TENM1: variants seen among roughly 807,000 people sequenced by gnomAD.
The protein encoded by TENM1 is teneurin-1.
A neutral mutation model predicts 174.8 loss-of-function variants in TENM1; 35 were observed. That is an observed-to-expected ratio of 0.20 (90% CI 0.15 to 0.27). The LOEUF is 0.27. TENM1 is among the 10% of genes least tolerant of loss of function. The pLI, the probability that TENM1 is intolerant of heterozygous loss-of-function variation, is 1.00. For missense variants in TENM1, 1,633 were observed against 2,130.1 expected (o/e 0.77, Z 4.59); for synonymous variants, 781 against 798.7 (o/e 0.98, Z 0.37).
At chrX:125,185,810 T>A in the TENM1 span, among the ~76,000 whole-genome samples, 16 of 111,964 alleles carry the variant, frequency 1.4e-4, 1 homozygote, top group Non-Finnish European at 2.3e-4. Context: ...TGGGGTAGGG[T>A]TGGAAGTGGA....
chrX:124,653,837 C>T, intron 6 of TENM1, 54 bp from the exon 10 acceptor site: 1 of 1,039,223 alleles, frequency 9.6e-7, no homozygotes, highest in Non-Finnish European at 1.3e-6. Flanking sequence ...ATTTATAAAG[C>T]AATGGTTTTT....
intron 22 of TENM1, among the ~76,000 whole-genome samples, chrX:124,454,585 A>G (rs2061083743): frequency 9.0e-6 from 1 of 111,015 alleles, no homozygotes; most frequent in Admixed American, 9.6e-5. Context: ...TTGTATTTTT[A>G]GTAGAGACAG....
the TENM1 span, among the ~76,000 whole-genome samples, chrX:125,076,424 A>C: frequency 8.9e-6 from 1 of 111,923 alleles, no homozygotes; most frequent in Non-Finnish European, 1.9e-5. Flanking sequence ...ACAGTGATGA[A>C]TAAACAGCAT....
intron 4 of TENM1, among the ~76,000 whole-genome samples, chrX:124,713,275 T>C (rs1350531168): frequency 3.6e-5 from 4 of 111,219 alleles, no homozygotes; most frequent in African/African-American, 1.3e-4. Context: ...AAAAAAATTT[T>C]TTTTTTTTTT....
chrX:124,625,875 G>A (rs2050624552), intron 11 of TENM1, among the ~76,000 whole-genome samples: 1 of 110,763 alleles, frequency 9.0e-6, no homozygotes, highest in African/African-American at 3.3e-5. Context: ...TCAAACACTG[G>A]GGACTGCAAT....
At chrX:124,454,019 T>G (rs967295413) in intron 22 of TENM1, among the ~76,000 whole-genome samples, 17 of 110,580 alleles carry the variant, frequency 1.5e-4, no homozygotes, top group African/African-American at 4.6e-4. Context: ...AAAAGGGGAG[T>G]TGGCGAGCAA....
At chrX:124,645,171 T>C in exon 10 of TENM1, 13 of 1,211,321 alleles carry the variant, frequency 1.1e-5, no homozygotes, top group Non-Finnish European at 1.5e-5. Flanking sequence ...CTTTGTATCC[T>C]GGCACACAGA....
chrX:124,853,529 G>A (rs148833859), intron 3 of TENM1, among the ~76,000 whole-genome samples: 1,148 of 111,438 alleles, frequency 0.01, 14 homozygotes, highest in African/African-American at 0.035. Flanking sequence ...GTAAGACTAA[G>A]TATAAATAGA....
At chrX:125,148,079 G>C in the TENM1 span, among the ~76,000 whole-genome samples, 1 of 110,986 alleles carries the variant, frequency 9.0e-6, no homozygotes, top group Non-Finnish European at 1.9e-5. Flanking sequence ...AATTTTTCAA[G>C]AATCTTTCTC....
chrX:124,774,775 G>T (rs2054744248), intron 3 of TENM1, among the ~76,000 whole-genome samples: 1 of 111,270 alleles, frequency 9.0e-6, no homozygotes, highest in Admixed American at 9.6e-5. Flanking sequence ...CCTATAATGG[G>T]TAACTTTGGT....
the TENM1 span, among the ~76,000 whole-genome samples, chrX:125,162,611 A>G: frequency 9.0e-6 from 1 of 111,024 alleles, no homozygotes; most frequent in Non-Finnish European, 1.9e-5. Context: ...TTTCTCTAAC[A>G]TTTTCATTGG....
chrX:124,453,515 A>G (rs1400562620), intron 22 of TENM1, 24 bp from the exon 26 acceptor site: 4 of 1,186,934 alleles, frequency 3.4e-6, no homozygotes, highest in Non-Finnish European at 4.5e-6. Context: ...GCAAATGAGC[A>G]TTAGTAGTCT....
intron 13 of TENM1, among the ~76,000 whole-genome samples, chrX:124,562,526 T>C (rs2048840388): frequency 8.9e-6 from 1 of 112,915 alleles, no homozygotes; most frequent in South Asian, 3.6e-4. Flanking sequence ...AGATCTAGAC[T>C]TTCTGAATTA....
chrX:124,821,466 C>T (rs764224201), intron 3 of TENM1, among the ~76,000 whole-genome samples: 8 of 112,140 alleles, frequency 7.1e-5, no homozygotes, highest in African/African-American at 2.6e-4. Context: ...GATATTATTA[C>T]CCATGTAATT....
the TENM1 span, among the ~76,000 whole-genome samples, chrX:125,107,369 G>A: frequency 8.9e-6 from 1 of 112,219 alleles, no homozygotes; most frequent in East Asian, 2.8e-4. Context: ...TAAGTTGAAG[G>A]ATTTCCCCCT....
At chrX:124,710,283 C>T (rs1209672566) in intron 4 of TENM1, among the ~76,000 whole-genome samples, 1 of 111,207 alleles carries the variant, frequency 9.0e-6, no homozygotes, top group Non-Finnish European at 1.9e-5. Context: ...ATTATGGATT[C>T]GATGCAGCAA....
At chrX:124,751,930 T>C (rs1666918268) in intron 3 of TENM1, among the ~76,000 whole-genome samples, 3 of 110,816 alleles carry the variant, frequency 2.7e-5, no homozygotes, top group African/African-American at 9.9e-5. Context: ...TTTGCTATTG[T>C]TAATAGTGCC....
At chrX:125,052,708 A>C in the TENM1 span, among the ~76,000 whole-genome samples, 1 of 112,188 alleles carries the variant, frequency 8.9e-6, no homozygotes, top group Non-Finnish European at 1.9e-5. Flanking sequence ...AATCCAGTGG[A>C]CACATCTCTC....
chrX:124,407,163 G>A (rs1246836913), intron 25 of TENM1, among the ~76,000 whole-genome samples: 1 of 108,139 alleles, frequency 9.2e-6, no homozygotes, highest in African/African-American at 3.4e-5. Flanking sequence ...ATAATTACCT[G>A]GGATAATAGG....
Sources: allele counts gnomAD v4.1 joint callset (sites outside exome capture counted in the v4.1 genomes callset), GRCh38; gene constraint gnomAD v4.1.1; transcripts MANE v1.5; gene names NCBI Gene and HGNC (gene_info 2026-07-23, HGNC 2026-07-21).